CEP250: variants seen among roughly 807,000 people sequenced by gnomAD.
The protein encoded by CEP250 is centrosomal protein 250.
Under a neutral mutation model 315.7 loss-of-function variants are expected in CEP250, and 242 were observed. The ratio of observed to expected loss-of-function variants is 0.77; its 90% confidence interval spans 0.69 to 0.85. CEP250 has a LOEUF of 0.85. CEP250 is among the 40% of genes least tolerant of loss of function. The pLI is 0.00. For missense variants in CEP250, 2,515 were observed against 2,886.4 expected (o/e 0.87, Z 2.95); for synonymous variants, 1,088 against 1,175.0 (o/e 0.93, Z 1.51).
chr20:35,466,013 C>A (rs1187321782), intron 6 of CEP250, 26 bp from the exon 7 acceptor site: 1 of 1,613,010 alleles, frequency 6.2e-7, no homozygotes, highest in South Asian at 1.1e-5. Flanking sequence ...TTATTTTGCA[C>A]CCACTTTTAC....
At chr20:35,495,603 T>C (rs2063814461) in intron 24 of CEP250, among the ~76,000 whole-genome samples, 1 of 152,024 alleles carries the variant, frequency 6.6e-6, no homozygotes, top group Non-Finnish European at 1.5e-5. Flanking sequence ...AAAAAAAAAT[T>C]AGCTGGGCAT....
At position 35,508,198 on chromosome 20, in the gene CEP250, C is replaced by T. The variant is rs375669322; in HGVS notation, c.6906+8C>T. 13 of 1,613,482 alleles carry T rather than the reference C, an allele frequency of 8.1e-6. No homozygotes were observed. Among genetic ancestry groups the T allele is most frequent in the Non-Finnish European group, 1.1e-5 (13 of 1,179,786 alleles). On this transcript the variant is annotated splice_region_variant and intron_variant, in intron 32 of 34. Coordinates refer to ENST00000397527, the MANE Select transcript of CEP250 (RefSeq NM_007186.6). ...CGGAGTACCTTGGAGCAGGTGACCCCTCTTCTTGTCCAGTGGGCATGCATC... is the reference window on the plus strand; with the variant it reads ...CGGAGTACCTTGGAGCAGGTGACCCTTCTTCTTGTCCAGTGGGCATGCATC...
rs1487610954 is a variant in CEP250 at position 35,480,128 on chromosome 20, C to A, written c.2569C>A (p.Gln857Lys). The change falls in exon 20 of 35, where the codon CAG becomes AAG. Residue 857 changes from glutamine (Q) to lysine (K), a missense_variant. Transcript: ENST00000397527. ...QKAAHEKEVN[Q>K]LREKWEKERS... Reference sequence around the variant, plus strand: ...GGCAGCCCATGAGAAAGAGGTGAACCAGCTCCGGGAGAAATGGGTAAGTGG... The same window carrying A: ...GGCAGCCCATGAGAAAGAGGTGAACAAGCTCCGGGAGAAATGGGTAAGTGG... 6.8e-6 allele frequency: 11 copies of A among 1,611,902 alleles called. No homozygotes were observed. Among genetic ancestry groups the A allele is most frequent in the Non-Finnish European group, 8.5e-6 (10 of 1,179,862 alleles).
chr20:35,474,687 G>A (rs2063120541), intron 14 of CEP250: 1 of 434,682 alleles, frequency 2.3e-6, no homozygotes. Context: ...CCTATATGAT[G>A]TCACAGAAAA....
chr20:35,511,136 C>G (rs903213285), intron 34 of CEP250, among the ~76,000 whole-genome samples: 1 of 152,122 alleles, frequency 6.6e-6, no homozygotes, highest in Non-Finnish European at 1.5e-5. Flanking sequence ...TTTTCAAGCG[C>G]GCTATTTGAG....
chr20:35,484,695 T>C (rs752175495), intron 20 of CEP250, among the ~76,000 whole-genome samples: 24 of 152,076 alleles, frequency 1.6e-4, no homozygotes, highest in Non-Finnish European at 2.2e-4. Context: ...GGGATCCTCC[T>C]GTCTCAGCCT....
At chr20:35,496,550 C>T (rs2063838124) in intron 24 of CEP250, 27 bp from the exon 25 acceptor site, 2 of 1,607,786 alleles carry the variant, frequency 1.2e-6, no homozygotes, top group Admixed American at 1.7e-5. Flanking sequence ...AGAGAATGGC[C>T]CAGCACTCTG....
chr20:35,505,609 C>T (rs1255385628), intron 30 of CEP250, among the ~76,000 whole-genome samples: 2 of 144,380 alleles, frequency 1.4e-5, no homozygotes, highest in East Asian at 4.1e-4. Context: ...GCCGAGATCG[C>T]ACCATTGCAC....
At position 35,511,401 on chromosome 20, in the gene CEP250, G is replaced by A. The variant is rs2147239210; in HGVS notation, c.7104G>A (p.Lys2368=). ...AAGCTCAGCTGACTTTGGAGCGGAAGCAGAAGCAGGACTACATCACCCGCT... is the reference window on the plus strand; with the variant it reads ...AAGCTCAGCTGACTTTGGAGCGGAAACAGAAGCAGGACTACATCACCCGCT... ...LLQAQLTLER[K]QKQDYITRSA... The change falls in exon 35 of 35, where the codon AAG becomes AAA. Residue 2368 remains lysine, a synonymous_variant. Transcript: ENST00000397527. 1 of 1,612,226 alleles carries A rather than the reference G, an allele frequency of 6.2e-7. No individual in the cohort carries two copies. The highest frequency in any genetic ancestry group is 8.5e-7 in the Non-Finnish European group (1 of 1,178,840).
intron 33 of CEP250, among the ~76,000 whole-genome samples, chr20:35,509,751 C>T (rs1025503739): frequency 4.6e-5 from 7 of 152,264 alleles, no homozygotes; most frequent in South Asian, 2.1e-4. Context: ...CTCAGAGAAG[C>T]AAATGCCATC....
At chr20:35,476,637 C>T (rs2146836276) in intron 16 of CEP250, 42 bp downstream of exon 16, 1 of 1,588,290 alleles carries the variant, frequency 6.3e-7, no homozygotes, top group Non-Finnish European at 8.6e-7. Flanking sequence ...GGGCTGGGCC[C>T]TAACTGAGAG....
At chr20:35,467,661 G>A in intron 9 of CEP250, 106 bp downstream of exon 9, 2 of 1,314,544 alleles carry the variant, frequency 1.5e-6, no homozygotes, top group Non-Finnish European at 2.1e-6. Flanking sequence ...CTACCATGGA[G>A]GGGGAGAAGA....
intron 30 of CEP250, among the ~76,000 whole-genome samples, chr20:35,505,748 C>T (rs922852487): frequency 3.3e-5 from 5 of 150,786 alleles, no homozygotes; most frequent in African/African-American, 1.2e-4. Flanking sequence ...GAAAAGAGGG[C>T]GAGAACAAGT....
rs1457726389 is a variant in CEP250, at chr20:35,491,200, A to C, written c.2755-12A>C. ...TGAGCCCACAAGCTGTTACCCCCCT[A>C]CCCCTCCACAGATGCAGCTGGAAAC... On this transcript the variant is annotated splice_polypyrimidine_tract_variant and intron_variant, in intron 21 of 34. Transcript: ENST00000397527. 6.2e-7 allele frequency: 1 copy of C among 1,610,254 alleles called. No homozygotes were observed.
intron 10 of CEP250, among the ~76,000 whole-genome samples, chr20:35,471,497 G>A (rs1056166893): frequency 1.3e-5 from 2 of 152,274 alleles, no homozygotes; most frequent in South Asian, 4.2e-4. Flanking sequence ...ATAGTTGCAA[G>A]TCTGTGTCTT....
chr20:35,508,148 G>C lies in CEP250; in HGVS notation c.6864G>C (p.Arg2288Ser), dbSNP rs778890910. The change falls in exon 32 of 35, where the codon AGG becomes AGC. Residue 2288 changes from arginine to serine, a missense_variant. Coordinates refer to ENST00000397527, the MANE Select transcript of CEP250 (RefSeq NM_007186.6). ...AVARLEIDRS[R>S]LQRHNVQLRS... ...CCCGGCTGGAGATTGACAGGAGCAGGCTGCAGCGCCACAATGTCCAGCTGC... is the reference window on the plus strand; with the variant it reads ...CCCGGCTGGAGATTGACAGGAGCAGCCTGCAGCGCCACAATGTCCAGCTGC... 1 of 1,614,042 alleles carries C rather than the reference G, an allele frequency of 6.2e-7. No homozygotes were observed. Among genetic ancestry groups the C allele is most frequent in the Non-Finnish European group, 8.5e-7 (1 of 1,179,994 alleles).
At chr20:35,487,846 C>T (rs1279871871) in intron 20 of CEP250, among the ~76,000 whole-genome samples, 2 of 152,200 alleles carry the variant, frequency 1.3e-5, no homozygotes, top group Admixed American at 1.3e-4. Context: ...AGGGCCCAAA[C>T]TCCTAACCAT....
At position 35,475,632 on chromosome 20, in the gene CEP250, G is replaced by A. The variant is rs76573809; in HGVS notation, c.1702G>A (p.Ala568Thr). 3.3e-5 allele frequency: 54 copies of A among 1,613,706 alleles called. No individual in the cohort carries two copies. Among genetic ancestry groups the A allele is most frequent in the East Asian group, 1.1e-4 (5 of 44,874 alleles). ...GAGGCAAGAGCAAACGGAAGTGACC[G>A]CAGCGCTGGCTAGGGTGCGTGGCCT... Reference protein sequence around the residue: ...LLRQEQTEVTAALARAEQSIA... With the variant: ...LLRQEQTEVTTALARAEQSIA... Residue 568 changes from alanine to threonine, a missense_variant, in exon 15 of 35, where the codon GCA becomes ACA. Transcript: ENST00000397527.
chr20:35,464,922 A>G (rs1181084823), intron 5 of CEP250, among the ~76,000 whole-genome samples: 1 of 151,946 alleles, frequency 6.6e-6, no homozygotes, highest in African/African-American at 2.4e-5. Context: ...ACTGTCTCAA[A>G]AAGAAAAGAA....
Sources: allele counts gnomAD v4.1 joint callset (sites outside exome capture counted in the v4.1 genomes callset), GRCh38; gene constraint gnomAD v4.1.1; transcripts MANE v1.5; gene names NCBI Gene and HGNC (gene_info 2026-07-23, HGNC 2026-07-21).